SND1: variants seen among roughly 807,000 people sequenced by gnomAD.
The protein encoded by SND1 is staphylococcal nuclease and tudor domain containing 1.
In SND1, 38 loss-of-function variants were observed where a neutral mutation model predicts 121.7. The ratio of observed to expected loss-of-function variants is 0.31; its 90% CI spans 0.24 to 0.41. The LOEUF (loss-of-function observed/expected upper bound fraction) is 0.41, where lower values mean the gene tolerates loss of function less well. Ranked by LOEUF, SND1 falls within the 10% of genes least tolerant of loss-of-function variation. The probability of loss-of-function intolerance (pLI) is 1.00; values close to 1 mark genes in which losing one functional copy is unlikely to be tolerated. For synonymous variants in SND1, 401 were observed against 447.4 expected (o/e 0.90, Z 1.31); for missense variants, 868 against 1,184.6 (o/e 0.73, Z 3.92).
At chr7:127,706,083 A>G (rs1796189320) in intron 8 of SND1, among the ~76,000 whole-genome samples, 1 of 152,198 alleles carries the variant, frequency 6.6e-6, no homozygotes, top group African/African-American at 2.4e-5. Flanking sequence ...ATGTTGTTCT[A>G]CAATTAAGTT....
intron 16 of SND1, among the ~76,000 whole-genome samples, chr7:128,049,689 G>A (rs1205715413): frequency 6.6e-6 from 1 of 152,114 alleles, no homozygotes; most frequent in East Asian, 1.9e-4. Context: ...CCAGCTGCAT[G>A]GCCTTAGACC....
chr7:127,949,865 C>T (rs1289746639), intron 15 of SND1, among the ~76,000 whole-genome samples: 1 of 152,162 alleles, frequency 6.6e-6, no homozygotes, highest in African/African-American at 2.4e-5. Flanking sequence ...TTGCCTTTCC[C>T]TTGTCATTTG....
At chr7:127,776,347 G>A (rs1797619669) in intron 10 of SND1, among the ~76,000 whole-genome samples, 1 of 152,088 alleles carries the variant, frequency 6.6e-6, no homozygotes, top group South Asian at 2.1e-4. Context: ...ATGAGGGGCA[G>A]GGTGGAAAAA....
intron 10 of SND1, among the ~76,000 whole-genome samples, chr7:127,785,928 C>A (rs907518504): frequency 6.6e-6 from 1 of 152,164 alleles, no homozygotes; most frequent in African/African-American, 2.4e-5. Context: ...CTGGTTCCTT[C>A]CTGTGCCTTC....
At chr7:127,826,647 C>T (rs1261873250) in intron 11 of SND1, among the ~76,000 whole-genome samples, 1 of 152,110 alleles carries the variant, frequency 6.6e-6, no homozygotes, top group Admixed American at 6.5e-5. Flanking sequence ...CATATTAAAC[C>T]TTAATTTCAT....
At position 128,039,726 on chromosome 7, in the gene SND1, G is replaced by T. The variant is rs1339728325; in HGVS notation, c.1780-34776G>T. Among the ~76,000 whole-genome samples the T allele has an allele frequency of 2.0e-5, 3 of 152,166 alleles. No individual in the cohort carries two copies. The East Asian group carries it at 5.8e-4, about 29-fold the overall frequency. On this transcript the variant is annotated intron_variant, in intron 16 of 23. Coordinates refer to ENST00000354725, the MANE Select transcript of SND1 (RefSeq NM_014390.4). ...ACATAAGCCTGTCATTTTCAAATTG[G>T]CTAAAGTGCATTTTCTCCAAAGGGA...
intron 9 of SND1, among the ~76,000 whole-genome samples, chr7:127,720,587 C>A (rs1414358013): frequency 6.6e-6 from 1 of 152,176 alleles, no homozygotes; most frequent in East Asian, 1.9e-4. Context: ...TGACTACATA[C>A]CCTTGTAATT....
chr7:127,813,413 G>C (rs1311994404), intron 11 of SND1, among the ~76,000 whole-genome samples: 1 of 141,732 alleles, frequency 7.1e-6, no homozygotes, highest in African/African-American at 2.7e-5. Flanking sequence ...CACCTAAATG[G>C]TCTTTTCGAT....
At chr7:127,757,835 T>C (rs1797224152) in intron 10 of SND1, among the ~76,000 whole-genome samples, 1 of 152,236 alleles carries the variant, frequency 6.6e-6, no homozygotes, top group African/African-American at 2.4e-5. Context: ...CCCTTTGTAC[T>C]CTCTTAATGG....
rs114056879 is a variant in SND1 at position 127,706,724 on chromosome 7, G to C, written c.948-833G>C. 4.6e-3 allele frequency among the ~76,000 whole-genome samples: 703 copies of C among 152,240 alleles called. 4 individuals are homozygous for C. Among genetic ancestry groups the C allele is most frequent in the African/African-American group, 0.015 (637 of 41,538 alleles). On this transcript the variant is annotated intron_variant, in intron 8 of 23. Coordinates refer to ENST00000354725, the MANE Select transcript of SND1 (RefSeq NM_014390.4). ...CTATTTTGATAATATGTGATTACTT[G>C]TCTGCTGTTTTGCATGCTGTATTTG...
At chr7:128,065,427 C>A (rs1793296751) in intron 16 of SND1, among the ~76,000 whole-genome samples, 1 of 152,230 alleles carries the variant, frequency 6.6e-6, no homozygotes, top group Non-Finnish European at 1.5e-5. Flanking sequence ...GGGCAGGGGT[C>A]TGTACCATCC....
At chr7:128,067,123 T>G (rs3779522) in intron 16 of SND1, among the ~76,000 whole-genome samples, 136 of 152,024 alleles carry the variant, frequency 8.9e-4, no homozygotes, top group Admixed American at 2.2e-3. Flanking sequence ...CTGCCCCCAT[T>G]CTCTGACCTC....
intron 22 of SND1, chr7:128,089,920 C>T (rs1369302763): frequency 2.1e-5 from 11 of 521,990 alleles, no homozygotes; most frequent in Non-Finnish European, 3.5e-5. Context: ...CAAACTAGAG[C>T]GGAAAGCTTC....
rs555674653 is a variant in SND1, at chr7:127,753,438, A to AT, written c.1152+32046dup. 1.8e-3 allele frequency among the ~76,000 whole-genome samples: 272 copies of AT among 150,588 alleles called. 1 individual carries two copies. Among genetic ancestry groups the AT allele is most frequent in the African/African-American group, 5.8e-3 (237 of 40,920 alleles). On this transcript the variant is annotated intron_variant, in intron 10 of 23. Transcript: ENST00000354725. ...TTGGCCTGAAAATTGAGATGTTGATATTTTTTTTCTAAACTTTTTTTTTTT... is the reference window on the plus strand; with the variant it reads ...TTGGCCTGAAAATTGAGATGTTGATATTTTTTTTTCTAAACTTTTTTTTTTT...
At chr7:127,942,924 C>T (rs1801248037) in intron 15 of SND1, among the ~76,000 whole-genome samples, 1 of 152,140 alleles carries the variant, frequency 6.6e-6, no homozygotes, top group Non-Finnish European at 1.5e-5. Context: ...CATTGCTGCA[C>T]ATGGCATATT....
chr7:127,767,075 AC>A (rs1797436045), intron 10 of SND1, among the ~76,000 whole-genome samples: 1 of 152,118 alleles, frequency 6.6e-6, no homozygotes. Flanking sequence ...TATCTAGGGT[AC>A]AAAGTGGCTA....
At chr7:127,824,043 G>A (rs991673772) in intron 11 of SND1, among the ~76,000 whole-genome samples, 2 of 152,168 alleles carry the variant, frequency 1.3e-5, no homozygotes, top group African/African-American at 4.8e-5. Flanking sequence ...ACAAAATGAA[G>A]CAGAAATGCT....
chr7:127,831,029 C>T (rs1385443003), intron 11 of SND1, among the ~76,000 whole-genome samples: 6 of 152,224 alleles, frequency 3.9e-5, no homozygotes, highest in Non-Finnish European at 8.8e-5. Context: ...TTCTTGACTT[C>T]TGATGCCACA....
chr7:127,747,921 A>T (rs1797009622), intron 10 of SND1, among the ~76,000 whole-genome samples: 1 of 152,176 alleles, frequency 6.6e-6, no homozygotes, highest in Non-Finnish European at 1.5e-5. Context: ...TAGGATTAGT[A>T]TGTTTGTGTA....
Sources: allele counts gnomAD v4.1 joint callset (sites outside exome capture counted in the v4.1 genomes callset), GRCh38; gene constraint gnomAD v4.1.1; transcripts MANE v1.5; gene names NCBI Gene and HGNC (gene_info 2026-07-23, HGNC 2026-07-21).